MALL: variants seen among roughly 807,000 people sequenced by gnomAD.
The protein encoded by MALL is MAL-like protein.
A neutral mutation model predicts 10.3 loss-of-function variants in MALL; 2 were observed. The ratio of observed to expected loss-of-function variants is 0.19; its 90% CI spans 0.08 to 0.61. MALL has a LOEUF of 0.61. MALL is among the 20% of genes least tolerant of loss of function. The pLI is 0.88. For missense variants in MALL, 39 were observed against 115.2 expected (o/e 0.34, Z 3.03); for synonymous variants, 27 against 51.8 (o/e 0.52, Z 2.05).
At chr2:110,100,592 C>T (rs1678543713) in intron 1 of MALL, among the ~76,000 whole-genome samples, 1 of 152,144 alleles carries the variant, frequency 6.6e-6, no homozygotes, top group South Asian at 2.1e-4. Context: ...ACACCCACAC[C>T]CGCCTGTAGT....
intron 1 of MALL, among the ~76,000 whole-genome samples, chr2:110,097,153 T>C (rs961642497): frequency 1.5e-4 from 22 of 149,274 alleles, no homozygotes; most frequent in African/African-American, 5.4e-4. Flanking sequence ...ACTCCAAGAA[T>C]TTGTAAAGGC....
At chr2:110,113,868 G>T (rs539023689) in intron 1 of MALL, among the ~76,000 whole-genome samples, 66 of 152,288 alleles carry the variant, frequency 4.3e-4, no homozygotes, top group African/African-American at 1.6e-3. Context: ...AGAGTACACA[G>T]AACTTTCTCT....
At chr2:110,104,749 T>C (rs1423466929) in intron 1 of MALL, among the ~76,000 whole-genome samples, 1 of 152,174 alleles carries the variant, frequency 6.6e-6, no homozygotes, top group Admixed American at 6.5e-5. Context: ...CTGTCTCCTG[T>C]CCTGGAGTGC....
chr2:110,111,516 T>C (rs931509638), intron 1 of MALL, among the ~76,000 whole-genome samples: 2 of 151,900 alleles, frequency 1.3e-5, no homozygotes, highest in African/African-American at 4.8e-5. Flanking sequence ...CTTAGGAATA[T>C]ACATAACAAA....
At chr2:110,100,240 A>G (rs1678534011) in intron 1 of MALL, among the ~76,000 whole-genome samples, 1 of 152,116 alleles carries the variant, frequency 6.6e-6, no homozygotes, top group Admixed American at 6.5e-5. Context: ...GCACTTTGGG[A>G]AGCTGAGGTG....
intron 1 of MALL, among the ~76,000 whole-genome samples, chr2:110,106,720 C>A (rs1452196974): frequency 6.6e-6 from 1 of 152,106 alleles, no homozygotes; most frequent in East Asian, 1.9e-4. Flanking sequence ...GGGGCATTTT[C>A]CCTGGAGAAC....
intron 1 of MALL, among the ~76,000 whole-genome samples, chr2:110,107,246 G>A (rs1678716209): frequency 6.6e-6 from 1 of 152,148 alleles, no homozygotes; most frequent in Non-Finnish European, 1.5e-5. Context: ...ACTACTGTTA[G>A]GAAAGATGCA....
At chr2:110,117,956 G>T (rs1420115246), upstream of MALL, among the ~76,000 whole-genome samples, 1 of 152,108 alleles carries the variant, frequency 6.6e-6, no homozygotes, top group African/African-American at 2.4e-5. Flanking sequence ...ACAGTTCTGG[G>T]TTTCAGGTGG....
At chr2:110,109,338 A>T (rs1678755062) in intron 1 of MALL, among the ~76,000 whole-genome samples, 1 of 152,156 alleles carries the variant, frequency 6.6e-6, no homozygotes, top group Admixed American at 6.5e-5. Context: ...AAATAAACTT[A>T]AAGTAAAAGG....
intron 1 of MALL, among the ~76,000 whole-genome samples, chr2:110,099,136 G>A (rs2104383408): frequency 6.6e-6 from 1 of 152,240 alleles, no homozygotes; most frequent in East Asian, 1.9e-4. Context: ...GCATCCCTTG[G>A]GAGTTTGGTT....
chr2:110,113,927 AT>A (rs1287376224), intron 1 of MALL, among the ~76,000 whole-genome samples: 4 of 152,166 alleles, frequency 2.6e-5, no homozygotes, highest in Non-Finnish European at 4.4e-5. Context: ...AACAGTACAA[AT>A]AAATGAAGAA....
At chr2:110,115,847 A>C (rs940306802), upstream of MALL, 11 of 767,800 alleles carry the variant, frequency 1.4e-5, no homozygotes, top group Non-Finnish European at 2.0e-5. Flanking sequence ...CAGCCTGTCA[A>C]ATATCACCTC....
intron 1 of MALL, among the ~76,000 whole-genome samples, chr2:110,107,581 C>A (rs1021387675): frequency 6.6e-6 from 1 of 152,120 alleles, no homozygotes; most frequent in African/African-American, 2.4e-5. Context: ...TAGCCCTGCC[C>A]CTATCTGATG....
At chr2:110,114,357 T>A (rs955108010) in intron 1 of MALL, among the ~76,000 whole-genome samples, 1 of 152,066 alleles carries the variant, frequency 6.6e-6, no homozygotes, top group Non-Finnish European at 1.5e-5. Flanking sequence ...CAGGAGGCAG[T>A]GCCCTGTCAC....
At chr2:110,103,360 G>A (rs1331631963) in intron 1 of MALL, among the ~76,000 whole-genome samples, 4 of 152,254 alleles carry the variant, frequency 2.6e-5, no homozygotes, top group East Asian at 3.9e-4. Flanking sequence ...AAGGGGGCCC[G>A]AGGCTAGGGG....
intron 1 of MALL, among the ~76,000 whole-genome samples, chr2:110,111,588 A>T (rs1042318798): frequency 1.3e-5 from 2 of 152,172 alleles, no homozygotes; most frequent in Non-Finnish European, 1.5e-5. Context: ...CACAGATGAC[A>T]CAAACAAACG....
chr2:110,110,616 C>G (rs532875952), intron 1 of MALL, among the ~76,000 whole-genome samples: 12 of 152,058 alleles, frequency 7.9e-5, no homozygotes, highest in African/African-American at 2.9e-4. Flanking sequence ...CGGATGGATT[C>G]GCACCAGAAT....
upstream of MALL, among the ~76,000 whole-genome samples, chr2:110,117,750 C>T (rs549532548): frequency 7.2e-5 from 11 of 152,108 alleles, no homozygotes; most frequent in Middle Eastern, 3.4e-3. Context: ...TTCCAGGTAC[C>T]TGCCTGGCTG....
intron 1 of MALL, among the ~76,000 whole-genome samples, chr2:110,103,622 C>T (rs1678626860): frequency 6.6e-6 from 1 of 152,172 alleles, no homozygotes; most frequent in East Asian, 1.9e-4. Context: ...TAGGGCTCGC[C>T]CTGGGTCCAG....
Sources: allele counts gnomAD v4.1 joint callset (sites outside exome capture counted in the v4.1 genomes callset), GRCh38; gene constraint gnomAD v4.1.1; transcripts MANE v1.5; gene names NCBI Gene and HGNC (gene_info 2026-07-23, HGNC 2026-07-21).